Variants in TOPAZ1 observed in about 807,000 individuals in gnomAD.
The protein encoded by TOPAZ1 is testis and ovary specific TOPAZ 1, also known as protein TOPAZ1.
A neutral mutation model predicts 172.2 loss-of-function variants in TOPAZ1; 66 were observed. That is an observed-to-expected ratio of 0.38 (90% confidence interval 0.31 to 0.47). The LOEUF is 0.47. TOPAZ1 is among the 20% of genes least tolerant of loss of function. TOPAZ1 has a pLI of 0.99. For synonymous variants in TOPAZ1, 681 were observed against 683.9 expected (o/e 1.00, Z 0.07); for missense variants, 1,822 against 1,972.4 (o/e 0.92, Z 1.44).
chr3:44,331,630 CTTACTGTGGGTCATGATCAA>C (rs1316303583), intron 19 of TOPAZ1, among the ~76,000 whole-genome samples, 142 bp from the exon 20 acceptor site: 1 of 152,178 alleles, frequency 6.6e-6, no homozygotes, highest in African/African-American at 2.4e-5. Context: ...AAATGCCTTT[CTTACTGTGGGTCATGATCAA>C]AAAAGTTTGA....
chr3:44,301,781 T>A (rs1050269487), intron 12 of TOPAZ1, among the ~76,000 whole-genome samples: 2 of 152,204 alleles, frequency 1.3e-5, no homozygotes, highest in Admixed American at 1.3e-4. Context: ...TATTAGTATA[T>A]ATTGCAATTT....
At chr3:44,246,818 G>C (rs539163357) in intron 2 of TOPAZ1, among the ~76,000 whole-genome samples, 6 of 152,120 alleles carry the variant, frequency 3.9e-5, no homozygotes, top group Admixed American at 1.3e-4. Flanking sequence ...CTTGCCTCAG[G>C]GTTGTGAGGA....
chr3:44,259,312 G>A (rs149184033), intron 4 of TOPAZ1, among the ~76,000 whole-genome samples: 1,705 of 151,396 alleles, frequency 0.011, 16 homozygotes, highest in Middle Eastern at 0.044. Context: ...TTTATCCAGG[G>A]TTTATGGTTG....
intron 1 of TOPAZ1, 119 bp downstream of exon 1, chr3:44,242,518 C>T: frequency 1.1e-5 from 12 of 1,102,432 alleles, no homozygotes; most frequent in Non-Finnish European, 1.6e-5. Context: ...ACATAGTTGA[C>T]CAGGAGATGG....
chr3:44,257,351 G>A (rs1699718315), intron 4 of TOPAZ1, among the ~76,000 whole-genome samples: 1 of 93,418 alleles, frequency 1.1e-5, no homozygotes, highest in South Asian at 5.3e-4. Flanking sequence ...GAAAACATAG[G>A]GGTGTGTGTG....
intron 11 of TOPAZ1, among the ~76,000 whole-genome samples, chr3:44,288,763 G>C (rs1303558300): frequency 1.3e-5 from 2 of 152,154 alleles, no homozygotes; most frequent in African/African-American, 4.8e-5. Flanking sequence ...GAATAACTTG[G>C]CTTTCTGCAA....
intron 5 of TOPAZ1, among the ~76,000 whole-genome samples, chr3:44,263,540 G>A (rs1357716730): frequency 2.6e-5 from 4 of 152,156 alleles, no homozygotes; most frequent in Non-Finnish European, 4.4e-5. Flanking sequence ...AGGACATACT[G>A]ATAATACATA....
chr3:44,298,307 T>A (rs1021798672), intron 12 of TOPAZ1, among the ~76,000 whole-genome samples: 1 of 151,946 alleles, frequency 6.6e-6, no homozygotes, highest in African/African-American at 2.4e-5. Flanking sequence ...CTACAAAAAA[T>A]TAGCTGGGCA....
At chr3:44,312,528 C>G (rs6441832) in intron 16 of TOPAZ1, among the ~76,000 whole-genome samples, 6 of 152,080 alleles carry the variant, frequency 3.9e-5, no homozygotes, top group African/African-American at 1.4e-4. Context: ...TTGAGAAATG[C>G]GGAATATCTC....
intron 2 of TOPAZ1, among the ~76,000 whole-genome samples, chr3:44,247,570 C>CA (rs1239976650): frequency 6.6e-6 from 1 of 152,152 alleles, no homozygotes; most frequent in Non-Finnish European, 1.5e-5. Context: ...ACCTGAACTC[C>CA]AATGATTCTC....
At chr3:44,322,314 G>A (rs1015902167) in intron 17 of TOPAZ1, among the ~76,000 whole-genome samples, 4 of 152,104 alleles carry the variant, frequency 2.6e-5, no homozygotes, top group African/African-American at 9.7e-5. Flanking sequence ...AAATTTGGCA[G>A]TAAATATTTA....
chr3:44,331,727 A>G lies in TOPAZ1; in HGVS notation c.4860-65A>G, dbSNP rs568831179. The stretch of plus-strand genomic sequence containing the variant: ...TTAGTACCAGTAAATGTAAATGACT[A>G]TCTTTTGAAGAAACTATATAGCTTT... On this transcript the variant is annotated intron_variant, in intron 19 of 19. Coordinates refer to ENST00000309765, the MANE Select transcript of TOPAZ1 (RefSeq NM_001145030.2). 90 of 1,208,134 alleles carry G rather than the reference A, an allele frequency of 7.4e-5. 1 individual carries two copies. In the African/African-American group the frequency reaches 1.0e-3, roughly 13 times the overall value. 74.8% of individuals were successfully genotyped at this position (1,208,134 alleles called of 1,614,324 possible).
rs561673712 is a variant in TOPAZ1, at chr3:44,281,711, G to A, written c.3373-257G>A. Among the ~76,000 whole-genome samples, 9 of 152,288 alleles carry A rather than the reference G, an allele frequency of 5.9e-5. No individual in the cohort carries two copies. The East Asian group carries it at 1.7e-3, about 29-fold the overall frequency. On this transcript the variant is annotated intron_variant, in intron 8 of 19. Coordinates refer to ENST00000309765, the MANE Select transcript of TOPAZ1 (RefSeq NM_001145030.2). ...TGTATATAAGTGGGTCTGTTTCTGG[G>A]ATCTCTGTTCTAATACATTGGTCAA...
intron 15 of TOPAZ1, among the ~76,000 whole-genome samples, chr3:44,309,433 C>G (rs1700372692): frequency 6.6e-6 from 1 of 152,158 alleles, no homozygotes; most frequent in African/African-American, 2.4e-5. Context: ...CTTTCTCTCC[C>G]TCCTGGATCC....
chr3:44,297,115 G>C (rs955464934), intron 12 of TOPAZ1, among the ~76,000 whole-genome samples: 1 of 150,614 alleles, frequency 6.6e-6, no homozygotes, highest in Admixed American at 6.6e-5. Flanking sequence ...AGGTTACAGT[G>C]AGCCGAGATT....
intron 16 of TOPAZ1, among the ~76,000 whole-genome samples, chr3:44,313,176 G>A (rs184856783): frequency 6.6e-5 from 10 of 152,248 alleles, no homozygotes; most frequent in African/African-American, 2.2e-4. Flanking sequence ...CCTGCTAAAC[G>A]TCACCGCTAA....
intron 8 of TOPAZ1, among the ~76,000 whole-genome samples, chr3:44,281,249 C>T (rs952533621): frequency 6.6e-6 from 1 of 152,216 alleles, no homozygotes; most frequent in South Asian, 2.1e-4. Flanking sequence ...GAACTGCATT[C>T]ATCCATTTGG....
chr3:44,250,144 G>A (rs1699613430), intron 2 of TOPAZ1, among the ~76,000 whole-genome samples: 1 of 148,592 alleles, frequency 6.7e-6, no homozygotes, highest in Non-Finnish European at 1.5e-5. Context: ...CCTGTCTCAA[G>A]TAACTTACTT....
chr3:44,309,942 A>G lies in TOPAZ1; in HGVS notation c.4258A>G (p.Ile1420Val). The change falls in exon 16 of 20, where the codon ATT becomes GTT. Residue 1420 changes from isoleucine to valine, a missense_variant. By Grantham distance (29) the Ile-to-Val change is conservative. Transcript: ENST00000309765. ...RCQIVNVAAE[I>V]FLKSGSLDGA... is the part of the protein sequence containing the mutation. ...TCAAATTGTGAATGTTGCAGCAGAA[A>G]TTTTTCTAAAAAGTGGAAGCCTAGA... is the stretch of plus-strand genomic sequence containing the variant. 3 of 1,551,622 alleles carry G rather than the reference A, an allele frequency of 1.9e-6. No homozygotes were observed. Among genetic ancestry groups the G allele is most frequent in the Non-Finnish European group, 2.6e-6 (3 of 1,146,970 alleles).
Sources: allele counts gnomAD v4.1 joint callset (sites outside exome capture counted in the v4.1 genomes callset), GRCh38; gene constraint gnomAD v4.1.1; transcripts MANE v1.5; gene names NCBI Gene and HGNC (gene_info 2026-07-23, HGNC 2026-07-21).